The following LFNG variants were observed in gnomAD, a reference collection of about 807,000 sequenced individuals.
The protein encoded by LFNG is beta-1,3-N-acetylglucosaminyltransferase lunatic fringe.
A neutral mutation model predicts 32.7 loss-of-function variants in LFNG; 15 were observed. That is an observed-to-expected ratio of 0.46 (90% CI 0.31 to 0.71). The LOEUF (loss-of-function observed/expected upper bound fraction) is 0.71, where lower values mean the gene tolerates loss of function less well. LFNG is among the 30% of genes least tolerant of loss of function. The pLI is 0.06. For missense variants in LFNG, 520 were observed against 545.7 expected (o/e 0.95, Z 0.47); for synonymous variants, 274 against 246.8 (o/e 1.11, Z -1.03).
chr7:2,526,222 T>G lies in LFNG; in HGVS notation c.822-22T>G, dbSNP rs755147418. The G allele has an allele frequency of 1.2e-5, 19 of 1,611,990 alleles. No individual in the cohort carries two copies. The highest frequency in any genetic ancestry group is 3.3e-5 in the Admixed American group (2 of 59,994). On this transcript the variant is annotated intron_variant, in intron 5 of 7. Coordinates refer to ENST00000222725, the MANE Select transcript of LFNG (RefSeq NM_001040167.2). This position sits in a 1 kb window ranked among gnomAD's most constrained non-coding sequence, Gnocchi z 6.9. The stretch of plus-strand genomic sequence containing the variant: ...GATGGCTCCCGCCTCTGCTCACTGG[T>G]CTGGGCCCTTCCCTCCCGCAGCGGG...
chr7:2,527,293 G>A lies in LFNG; in HGVS notation c.*81G>A. On this transcript the variant is annotated 3_prime_UTR_variant, in exon 8 of 8. Transcript: ENST00000222725. This position sits in a 1 kb window ranked among gnomAD's most constrained non-coding sequence, Gnocchi z 4.4. ...ACCCTGTTGCGCTGCCCTGGCCTCG[G>A]CATTCGAGGCTCCCCTAGGGCCGTG... 6.4e-7 allele frequency: 1 copy of A among 1,574,282 alleles called. No individual in the cohort carries two copies. Among genetic ancestry groups the A allele is most frequent in the Non-Finnish European group, 8.6e-7 (1 of 1,166,954 alleles).
In LFNG at chr7:2,527,038, C is replaced by G. The variant is rs765982169; in HGVS notation, c.1074-108C>G. ...CATGACTCTACATAGAGGTGTCCCC[C>G]GGAGTCCTGCTTGCTCGGGGTGGGG... is the stretch of plus-strand genomic sequence containing the variant. On this transcript the variant is annotated intron_variant, in intron 7 of 7. Coordinates refer to ENST00000222725, the MANE Select transcript of LFNG (RefSeq NM_001040167.2). The surrounding 1 kb of genome is among the most constrained non-coding windows in gnomAD (Gnocchi z 4.4). The G allele has an allele frequency of 7.1e-7, 1 of 1,416,788 alleles. No homozygotes were observed. The highest frequency in any genetic ancestry group is 1.2e-5 in the South Asian group (1 of 84,676). The allele number at this position is 1,416,788 out of a possible 1,614,324, so 87.8% of individuals were successfully genotyped here.
At chr7:2,522,532 G>C (rs1029942429) in intron 1 of LFNG, among the ~76,000 whole-genome samples, 2 of 152,146 alleles carry the variant, frequency 1.3e-5, no homozygotes, top group African/African-American at 4.8e-5. Context: ...TCTTTGAATC[G>C]CGGCTCCAGG....
Position 2,519,915 on chromosome 7 carries a change from C to A in LFNG, c.54C>A (p.Leu18=). 2.8e-6 allele frequency: 3 copies of A among 1,085,832 alleles called. No individual in the cohort carries two copies. The South Asian group carries it at 9.3e-5, about 34-fold the overall frequency. The allele number at this position is 1,085,832 out of a possible 1,614,324, so 67.3% of individuals were successfully genotyped here. Residue 18 remains leucine, a synonymous_variant, in exon 1 of 8, where the codon CTC becomes CTA. Coordinates refer to ENST00000222725, the MANE Select transcript of LFNG (RefSeq NM_001040167.2). ...TGCTGGCGCTGGCGGGCGCGCTGCT[C>A]GCCTGCCTGCTGGTGCTCACCGCCG... ...RLLLALAGAL[L]ACLLVLTADP...
upstream of LFNG, chr7:2,518,558 C>T: frequency 6.8e-7 from 1 of 1,474,418 alleles, no homozygotes; most frequent in East Asian, 2.3e-5. Context: ...GTCTGAATGA[C>T]ACCAGGTCGC....
intron 1 of LFNG, among the ~76,000 whole-genome samples, chr7:2,522,381 C>T (rs942852462): frequency 2.0e-5 from 3 of 152,290 alleles, no homozygotes; most frequent in Non-Finnish European, 2.9e-5. Context: ...CAGCAGGGGC[C>T]GCGCTGAGAT....
Position 2,519,926 on chromosome 7 carries a change from T to C in LFNG, c.65T>C (p.Leu22Pro). The change falls in exon 1 of 8, where the codon CTG becomes CCG. Residue 22 changes from leucine (L) to proline (P), a missense_variant. Leu to Pro is a moderately conservative substitution (Grantham distance 98). Coordinates refer to ENST00000222725, the MANE Select transcript of LFNG (RefSeq NM_001040167.2). The stretch of plus-strand genomic sequence containing the variant: ...GCGGGCGCGCTGCTCGCCTGCCTGC[T>C]GGTGCTCACCGCCGACCCGCCGCCG... ...ALAGALLACL[L>P]VLTADPPPPP... 9.4e-7 allele frequency: 1 copy of C among 1,065,424 alleles called. No individual in the cohort carries two copies. The highest frequency in any genetic ancestry group is 1.1e-6 in the Non-Finnish European group (1 of 880,270). The allele number at this position is 1,065,424 out of a possible 1,614,324, so 66.0% of individuals were successfully genotyped here.
chr7:2,525,433 G>A lies in LFNG; in HGVS notation c.601G>A (p.Asp201Asn), dbSNP rs1211456697. 6.2e-7 allele frequency: 1 copy of A among 1,612,888 alleles called. No homozygotes were observed. Among genetic ancestry groups the A allele is most frequent in the Non-Finnish European group, 8.5e-7 (1 of 1,179,872 alleles). Residue 201 changes from aspartate to asparagine, a missense_variant, in exon 4 of 8, where the codon GAT (aspartate) becomes AAT (asparagine). This residue lies in a region of LFNG where 360 missense variants were observed against 354.7 expected (regional missense o/e 1.01). Transcript: ENST00000222725. Reference protein sequence around the residue: ...SGRKWFCHVDDDNYVNLRALL... With the variant: ...SGRKWFCHVDNDNYVNLRALL... ...CCTCAGGTGGTTCTGCCACGTGGAC[G>A]ATGACAACTACGTCAACCTGCGGGC... is the stretch of plus-strand genomic sequence containing the variant.
rs1427783824 is a variant in LFNG, at chr7:2,520,251, C to T, written c.390C>T (p.Leu130=). The T allele has an allele frequency of 6.2e-7, 1 of 1,610,028 alleles. No homozygotes were observed. Among genetic ancestry groups the T allele is most frequent in the South Asian group, 1.1e-5 (1 of 90,992 alleles). The change falls in exon 1 of 8, where the codon CTC becomes CTT. Residue 130 remains leucine (L), a synonymous_variant. Coordinates refer to ENST00000222725, the MANE Select transcript of LFNG (RefSeq NM_001040167.2). The surrounding 1 kb of genome is among the most constrained non-coding windows in gnomAD (Gnocchi z 5.0). ...KTTKKFHRAR[L]DLLLETWISR... is the part of the protein sequence containing the mutation. ...CCAAAAAGTTCCACCGCGCGCGCCTCGACCTGCTGCTGGAGACCTGGATCT... is the reference window on the plus strand; with the variant it reads ...CCAAAAAGTTCCACCGCGCGCGCCTTGACCTGCTGCTGGAGACCTGGATCT...
At chr7:2,518,735 G>C (rs1307546445), upstream of LFNG, 7 of 1,240,554 alleles carry the variant, frequency 5.6e-6, no homozygotes, top group Middle Eastern at 2.8e-4. Context: ...GCTTAGGAGG[G>C]CACGGGAAGA....
chr7:2,518,625 T>G, upstream of LFNG: 1 of 1,607,966 alleles, frequency 6.2e-7, no homozygotes, highest in Non-Finnish European at 8.5e-7. Context: ...CAAGGGCACT[T>G]AAAGAATTTA....
At chr7:2,523,071 C>G (rs1430650926) in intron 1 of LFNG, among the ~76,000 whole-genome samples, 2 of 152,240 alleles carry the variant, frequency 1.3e-5, no homozygotes, top group African/African-American at 2.4e-5. Flanking sequence ...CTTTAATCTC[C>G]GTAGCCTTGG....
chr7:2,519,567 G>T (rs971220357), upstream of LFNG, among the ~76,000 whole-genome samples: 21 of 150,924 alleles, frequency 1.4e-4, no homozygotes, highest in Non-Finnish European at 4.4e-5. Flanking sequence ...GGGGCGGGGG[G>T]GGTGCGGGGC....
At chr7:2,514,848 A>ATCCG (rs777738626), upstream of LFNG, among the ~76,000 whole-genome samples, 3 of 144,924 alleles carry the variant, frequency 2.1e-5, no homozygotes, top group Admixed American at 6.8e-5. Flanking sequence ...CCATCCATCC[A>ATCCG]TCCATTCATC....
At chr7:2,514,145 C>CCCCCAGG (rs1281607399), upstream of LFNG, among the ~76,000 whole-genome samples, 1 of 152,214 alleles carries the variant, frequency 6.6e-6, no homozygotes, top group Non-Finnish European at 1.5e-5. Flanking sequence ...GCACAGCCCT[C>CCCCCAGG]CCCCAGGCCC....
chr7:2,512,974 A>G (rs993615255), upstream of LFNG, among the ~76,000 whole-genome samples: 1 of 151,482 alleles, frequency 6.6e-6, no homozygotes, highest in East Asian at 1.9e-4. Flanking sequence ...CTCCACCTCC[A>G]CCTGCCCAAG....
Position 2,527,360 on chromosome 7 carries a change from T to G in LFNG, c.*148T>G. On this transcript the variant is annotated 3_prime_UTR_variant, in exon 8 of 8. Coordinates refer to ENST00000222725, the MANE Select transcript of LFNG (RefSeq NM_001040167.2). The surrounding 1 kb of genome is among the most constrained non-coding windows in gnomAD (Gnocchi z 4.4). The stretch of plus-strand genomic sequence containing the variant: ...TGCGTGTGTGTGTGTGTGTACTGCA[T>G]GCCCACCCGGGTAGCAGGCTGCTGG... The G allele has an allele frequency of 6.8e-7, 1 of 1,461,574 alleles. No individual in the cohort carries two copies. Among genetic ancestry groups the G allele is most frequent in the Non-Finnish European group, 9.1e-7 (1 of 1,101,386 alleles). The allele number at this position is 1,461,574 out of a possible 1,614,324, so 90.5% of individuals were successfully genotyped here. A position where few individuals can be genotyped will look rare whatever the true frequency, so the allele number is the denominator to read the frequency against.
chr7:2,519,566 G>T (rs567839554), upstream of LFNG, among the ~76,000 whole-genome samples: 57 of 150,944 alleles, frequency 3.8e-4, no homozygotes, highest in South Asian at 7.9e-3. Context: ...CGGGGCGGGG[G>T]GGGTGCGGGG....
chr7:2,527,850 C>G lies in LFNG; in HGVS notation c.*638C>G. The G allele has an allele frequency of 1.0e-6, 1 of 1,000,192 alleles. No individual in the cohort carries two copies. Among genetic ancestry groups the G allele is most frequent in the South Asian group, 4.2e-5 (1 of 23,680 alleles). The allele number at this position is 1,000,192 out of a possible 1,614,324, so 62.0% of individuals were successfully genotyped here. A position where few individuals can be genotyped will look rare whatever the true frequency, so the allele number is the denominator to read the frequency against. On this transcript the variant is annotated 3_prime_UTR_variant, in exon 8 of 8. Coordinates refer to ENST00000222725, the MANE Select transcript of LFNG (RefSeq NM_001040167.2). This position sits in a 1 kb window ranked among gnomAD's most constrained non-coding sequence, Gnocchi z 4.4. ...GGGCAAACAGTGGCACCCCTCCCAG[C>G]TCTTCTGAGTGGGGAGTCTTCCAGG...
Sources: allele counts gnomAD v4.1 joint callset (sites outside exome capture counted in the v4.1 genomes callset), GRCh38; gene constraint gnomAD v4.1.1; regional missense constraint gnomAD v4.1.1; non-coding constraint Gnocchi (gnomAD v3.1); transcripts MANE v1.5; gene names NCBI Gene and HGNC (gene_info 2026-07-23, HGNC 2026-07-21).